The following PDZRN4 variants were observed in gnomAD, a reference collection of about 807,000 sequenced individuals.
PDZRN4 encodes PDZ domain-containing RING finger protein 4.
In PDZRN4, 70 loss-of-function variants were observed where a neutral mutation model predicts 99.0. The observed-to-expected ratio is 0.71, with a 90% CI of 0.58 to 0.86. The LOEUF (loss-of-function observed/expected upper bound fraction) is 0.86, where lower values mean the gene tolerates loss of function less well. Ranked by LOEUF, PDZRN4 falls within the 40% of genes least tolerant of loss-of-function variation. The pLI is 0.00. For synonymous variants in PDZRN4, 551 were observed against 501.6 expected, an observed-to-expected ratio of 1.10 and a Z score of -1.32; for missense variants, 1,474 against 1,331.2, an observed-to-expected ratio of 1.11 and a Z score of -1.67.
In PDZRN4 at chr12:41,215,536, A is replaced by C. The variant is rs144033452; in HGVS notation, c.843+21348A>C. 6.8e-3 allele frequency among the ~76,000 whole-genome samples: 1,034 copies of C among 152,170 alleles called. 7 individuals are homozygous for C. Among genetic ancestry groups the C allele is most frequent in the African/African-American group, 0.024 (998 of 41,564 alleles). On this transcript the variant is annotated intron_variant, in intron 3 of 9. Coordinates refer to ENST00000402685, the MANE Select transcript of PDZRN4 (RefSeq NM_001164595.2). ...AAAAGTATACAATTTTATTTTCACTAGTAGAATAGTAAAGCAAGTACCTTT... is the reference window on the plus strand; with the variant it reads ...AAAAGTATACAATTTTATTTTCACTCGTAGAATAGTAAAGCAAGTACCTTT...
intron 3 of PDZRN4, among the ~76,000 whole-genome samples, chr12:41,229,793 G>C (rs1951016917): frequency 2.6e-5 from 4 of 152,030 alleles, no homozygotes; most frequent in African/African-American, 9.7e-5. Flanking sequence ...TCTACCTTCA[G>C]AGTCCAAGGT....
At chr12:41,193,553 G>A (rs1259251927) in intron 2 of PDZRN4, among the ~76,000 whole-genome samples, 5 of 152,126 alleles carry the variant, frequency 3.3e-5, no homozygotes, top group African/African-American at 1.2e-4. Flanking sequence ...GTTTAGATGT[G>A]ATCTTTTGGG....
At chr12:41,411,065 ATATT>A (rs1214826776) in intron 3 of PDZRN4, among the ~76,000 whole-genome samples, 7 of 101,170 alleles carry the variant, frequency 6.9e-5, no homozygotes, top group Non-Finnish European at 4.0e-5. Flanking sequence ...ATATATATAT[ATATT>A]TTTTTTTTAT....
At chr12:41,523,402 C>A (rs182755831) in intron 5 of PDZRN4, among the ~76,000 whole-genome samples, 3 of 152,004 alleles carry the variant, frequency 2.0e-5, no homozygotes, top group African/African-American at 4.8e-5. Context: ...CACGTGGAAG[C>A]GTCTAGAAAG....
chr12:41,519,849 G>A (rs1349483345), intron 5 of PDZRN4, among the ~76,000 whole-genome samples: 2 of 151,966 alleles, frequency 1.3e-5, no homozygotes, highest in Non-Finnish European at 2.9e-5. Context: ...GTAGTTTTCT[G>A]GCTCCCCTGA....
chr12:41,219,817 G>A (rs1229488670), intron 3 of PDZRN4, among the ~76,000 whole-genome samples: 1 of 152,064 alleles, frequency 6.6e-6, no homozygotes, highest in African/African-American at 2.4e-5. Flanking sequence ...ATTTTATTAG[G>A]AATTCCATTT....
At chr12:41,321,945 C>T (rs1272745555) in intron 3 of PDZRN4, among the ~76,000 whole-genome samples, 1 of 152,148 alleles carries the variant, frequency 6.6e-6, no homozygotes, top group Non-Finnish European at 1.5e-5. Flanking sequence ...TACCTCTCCA[C>T]CCAGAAAGCA....
chr12:41,450,281 A>G (rs929456909), intron 3 of PDZRN4, among the ~76,000 whole-genome samples: 8 of 152,166 alleles, frequency 5.3e-5, no homozygotes, highest in African/African-American at 1.9e-4. Flanking sequence ...AATAAAGATA[A>G]TCTCCCCTCA....
At chr12:41,421,699 T>G (rs543664955) in intron 3 of PDZRN4, among the ~76,000 whole-genome samples, 1 of 152,286 alleles carries the variant, frequency 6.6e-6, no homozygotes, top group African/African-American at 2.4e-5. Flanking sequence ...CCCTTTAATG[T>G]TCCCATTATT....
chr12:41,517,395 G>C (rs933274928), intron 5 of PDZRN4, among the ~76,000 whole-genome samples: 1 of 152,078 alleles, frequency 6.6e-6, no homozygotes, highest in African/African-American at 2.4e-5. Flanking sequence ...GTCTGTGAAA[G>C]GTTGTGTTTA....
At chr12:41,222,462 A>G (rs373536530) in intron 3 of PDZRN4, among the ~76,000 whole-genome samples, 3 of 152,136 alleles carry the variant, frequency 2.0e-5, no homozygotes, top group African/African-American at 7.2e-5. Context: ...TGAGTTTTAT[A>G]CTAAATTTCA....
At chr12:41,448,405 C>T (rs1471161) in intron 3 of PDZRN4, among the ~76,000 whole-genome samples, 80,473 of 151,724 alleles carry the variant, frequency 0.53, 22,159 homozygotes, top group African/African-American at 0.7. Context: ...TTGCCACTTA[C>T]GGAGTTTTCA....
intron 3 of PDZRN4, among the ~76,000 whole-genome samples, chr12:41,315,445 A>G (rs1279373832): frequency 6.6e-6 from 1 of 152,162 alleles, no homozygotes; most frequent in Non-Finnish European, 1.5e-5. Flanking sequence ...AAGGTATGAG[A>G]GCACATAAAC....
intron 3 of PDZRN4, among the ~76,000 whole-genome samples, chr12:41,460,994 C>A (rs1007144078): frequency 3.3e-5 from 5 of 152,130 alleles, no homozygotes; most frequent in African/African-American, 1.2e-4. Context: ...TGTCCTCAGA[C>A]ACAGCTTTAG....
At chr12:41,555,543 A>G (rs949622216) in intron 6 of PDZRN4, among the ~76,000 whole-genome samples, 155 bp from the exon 7 acceptor site, 20 of 152,230 alleles carry the variant, frequency 1.3e-4, no homozygotes, top group African/African-American at 4.8e-4. Context: ...TTTTAGAATC[A>G]ATGAGTTTTG....
intron 3 of PDZRN4, among the ~76,000 whole-genome samples, chr12:41,328,922 A>G (rs1234380692): frequency 1.3e-5 from 2 of 152,140 alleles, no homozygotes; most frequent in East Asian, 3.9e-4. Context: ...TATTATCAAC[A>G]GTACTCCAGG....
At chr12:41,356,889 C>T (rs1185923153) in intron 3 of PDZRN4, among the ~76,000 whole-genome samples, 2 of 151,868 alleles carry the variant, frequency 1.3e-5, no homozygotes, top group African/African-American at 4.8e-5. Flanking sequence ...TGTTGGGAAA[C>T]CTCATTGTTG....
At position 41,452,449 on chromosome 12, in the gene PDZRN4, A is replaced by AAAAG. The variant is rs374519508; in HGVS notation, c.844-53995_844-53992dup. Among the ~76,000 whole-genome samples, 871 of 141,588 alleles carry AAAAG rather than the reference A, an allele frequency of 6.2e-3. 22 individuals are homozygous for AAAAG. The highest frequency in any genetic ancestry group is 9.7e-3 in the African/African-American group (361 of 37,142). The allele number at this position is 141,588 out of a possible 152,430, so 92.9% of individuals were successfully genotyped here. A position where few individuals can be genotyped will look rare whatever the true frequency, so the allele number is the denominator to read the frequency against. On this transcript the variant is annotated intron_variant, in intron 3 of 9. Coordinates refer to ENST00000402685, the MANE Select transcript of PDZRN4 (RefSeq NM_001164595.2). The stretch of plus-strand genomic sequence containing the variant: ...GTGAGCCTCCGTCTAAAAAAAAAAA[A>AAAAG]AAAGAAAGAAAGAAAAATTATAGTA...
At chr12:41,442,882 G>A (rs1952691928) in intron 3 of PDZRN4, among the ~76,000 whole-genome samples, 1 of 152,082 alleles carries the variant, frequency 6.6e-6, no homozygotes, top group South Asian at 2.1e-4. Flanking sequence ...GAAATAAATA[G>A]CAAGTCCTCA....
Sources: gnomAD v4.1 joint callset for allele counts (sites outside exome capture counted in the v4.1 genomes callset) on GRCh38, gnomAD v4.1.1 for gene constraint, MANE v1.5 for transcripts, NCBI Gene and HGNC (gene_info 2026-07-23, HGNC 2026-07-21) for gene names.